Variants in NISCH observed in about 807,000 individuals in gnomAD.
NISCH encodes I-1 receptor candidate protein.
NISCH carries 55 observed loss-of-function variants against 138.4 expected under a neutral mutation model. The observed-to-expected ratio is 0.40, with a 90% confidence interval of 0.32 to 0.50. The LOEUF (loss-of-function observed/expected upper bound fraction) is 0.50, where lower values mean the gene tolerates loss of function less well. Ranked by LOEUF, NISCH falls within the 20% of genes least tolerant of loss-of-function variation. The pLI is 0.71. For synonymous variants in NISCH, 860 were observed against 861.5 expected, an observed-to-expected ratio of 1.00 and a Z score of 0.03; for missense variants, 1,643 against 2,005.5, an observed-to-expected ratio of 0.82 and a Z score of 3.45.
At chr3:52,463,230 GCTT>G (rs1450996225) in intron 3 of NISCH, among the ~76,000 whole-genome samples, 1 of 152,164 alleles carries the variant, frequency 6.6e-6, no homozygotes, top group Non-Finnish European at 1.5e-5. Context: ...TTTGTGACTG[GCTT>G]CTTTCATTTA....
intron 2 of NISCH, 68 bp from the exon 3 acceptor site, chr3:52,458,594 C>T: frequency 1.4e-6 from 2 of 1,409,988 alleles, no homozygotes; most frequent in Non-Finnish European, 1.9e-6. Flanking sequence ...CCTCAAGCTT[C>T]TTGCCTTGGT....
rs778590888 is a variant in NISCH, at chr3:52,474,290, TTTG to T, written c.765+479_765+481del. On this transcript the variant is annotated intron_variant, in intron 7 of 20. Transcript: ENST00000345716. ...CACCATGCCCCGCTAAGTTTTGTTT[TTTG>T]TTGTTGTTGTTGTTGTTTTTTGAGA... is the stretch of plus-strand genomic sequence containing the variant. Among the ~76,000 whole-genome samples, 18 of 151,844 alleles carry T rather than the reference TTTG, an allele frequency of 1.2e-4. No individual in the cohort carries two copies. In the East Asian group the frequency reaches 1.6e-3, roughly 13 times the overall value.
rs755584147 is a variant in NISCH at position 52,487,651 on chromosome 3, G to A, written c.2159G>A (p.Gly720Asp). 5 of 1,613,808 alleles carry A rather than the reference G, an allele frequency of 3.1e-6. No individual in the cohort carries two copies. The East Asian group carries it at 1.1e-4, about 36-fold the overall frequency. Residue 720 changes from glycine (G) to aspartate (D), a missense_variant, in exon 16 of 21, where the codon GGC becomes GAC. By Grantham distance (94) the Gly-to-Asp change is moderately conservative. Coordinates refer to ENST00000345716, the MANE Select transcript of NISCH (RefSeq NM_007184.4). This position sits in a 1 kb window ranked among gnomAD's most constrained non-coding sequence, Gnocchi z 9.1. ...VLWCFLIHVQ[G>D]SIRQFAACLV... ...TGGTGCTTCCTGATCCATGTGCAGG[G>A]CAGTATCCGCCAGTTCGCCGCCTGC...
At chr3:52,480,923 C>G in intron 13 of NISCH, 1 of 1,533,682 alleles carries the variant, frequency 6.5e-7, no homozygotes, top group South Asian at 1.2e-5. Flanking sequence ...ATGAGCGTGT[C>G]TGCTGGCCCG....
In NISCH at chr3:52,487,447, AC is replaced by A; in HGVS notation, c.1957del (p.Arg653AlafsTer63). On this transcript the variant is annotated frameshift_variant, in exon 16 of 21. Coordinates refer to ENST00000345716, the MANE Select transcript of NISCH (RefSeq NM_007184.4). LOFTEE classifies it high-confidence loss of function. The surrounding 1 kb of genome is among the most constrained non-coding windows in gnomAD (Gnocchi z 9.1). The stretch of plus-strand genomic sequence containing the variant: ...GAAGAAGAGGAGGACGTGGCTGAGA[AC>A]CGCTACTTTGAAATGGGGCCCCCAG... ...EEEEEEDVAE[N>X]RYFEMGPPDV... The A allele has an allele frequency of 6.2e-7, 1 of 1,607,000 alleles. No homozygotes were observed. Among genetic ancestry groups the A allele is most frequent in the Non-Finnish European group, 8.5e-7 (1 of 1,174,804 alleles).
In NISCH at chr3:52,490,733, C is replaced by A. The variant is rs548626626; in HGVS notation, c.3642C>A (p.Tyr1214Ter). 6.2e-7 allele frequency: 1 copy of A among 1,614,204 alleles called. No homozygotes were observed. Among genetic ancestry groups the A allele is most frequent in the Non-Finnish European group, 8.5e-7 (1 of 1,180,032 alleles). Residue 1214 changes from tyrosine (Y) to a stop codon, truncating the protein, a stop_gained, in exon 19 of 21, where the codon TAC becomes TAA. Coordinates refer to ENST00000345716, the MANE Select transcript of NISCH (RefSeq NM_007184.4). LOFTEE classifies it high-confidence loss of function. ...TCTGGCATCAGAAAAACACCGACTACAACAACAGCCCTTTCCACATCTCCC... is the reference window on the plus strand; with the variant it reads ...TCTGGCATCAGAAAAACACCGACTAAAACAACAGCCCTTTCCACATCTCCC... ...QDFWHQKNTD[Y>*]NNSPFHISQC... is the part of the protein sequence containing the mutation.
chr3:52,471,070 G>C (rs1289479008), intron 4 of NISCH, among the ~76,000 whole-genome samples, 163 bp downstream of exon 4: 1 of 152,150 alleles, frequency 6.6e-6, no homozygotes, highest in African/African-American at 2.4e-5. Flanking sequence ...TGAGTACCAT[G>C]TCAGGGGCTC....
chr3:52,462,486 C>T (rs1270963614), intron 3 of NISCH, among the ~76,000 whole-genome samples: 1 of 152,210 alleles, frequency 6.6e-6, no homozygotes, highest in Non-Finnish European at 1.5e-5. Context: ...AGCCTTTTCT[C>T]CAGGCTGGGA....
At chr3:52,485,746 G>A in intron 14 of NISCH, 32 bp from the exon 15 acceptor site, 3 of 1,563,532 alleles carry the variant, frequency 1.9e-6, no homozygotes, top group African/African-American at 2.7e-5. Context: ...GCTGCAGTAG[G>A]TGGGGACTGA....
intron 20 of NISCH, 38 bp downstream of exon 20, chr3:52,491,551 G>A (rs748793670): frequency 6.3e-7 from 1 of 1,581,978 alleles, no homozygotes. Context: ...CAGGCTGCCT[G>A]GACAGACGTC....
In NISCH at chr3:52,490,724, C is replaced by T. The variant is rs1707539404; in HGVS notation, c.3633C>T (p.Asn1211=). 3 of 1,614,176 alleles carry T rather than the reference C, an allele frequency of 1.9e-6. No homozygotes were observed. The highest frequency in any genetic ancestry group is 2.5e-6 in the Non-Finnish European group (3 of 1,180,028). ...EPLQDFWHQK[N]TDYNNSPFHI... Reference sequence around the variant, plus strand: ...ACACAGATTTCTGGCATCAGAAAAACACCGACTACAACAACAGCCCTTTCC... The same window carrying T: ...ACACAGATTTCTGGCATCAGAAAAATACCGACTACAACAACAGCCCTTTCC... The change falls in exon 19 of 21, where the codon AAC becomes AAT. Residue 1211 remains asparagine, a synonymous_variant. Transcript: ENST00000345716.
chr3:52,490,150 G>T lies in NISCH; in HGVS notation c.3532G>T (p.Ala1178Ser). The T allele has an allele frequency of 1.2e-6, 2 of 1,613,620 alleles. No individual in the cohort carries two copies. The highest frequency in any genetic ancestry group is 8.5e-7 in the Non-Finnish European group (1 of 1,180,018). ...CCAGACCCCAGGGCTGGAGGTGACT[G>T]CCTGCGTGCTGCTCTCCACCAAGGC... Reference protein sequence around the residue: ...FYQTPGLEVTACVLLSTKAVY... With the variant: ...FYQTPGLEVTSCVLLSTKAVY... The change falls in exon 18 of 21, where the codon GCC becomes TCC. Residue 1178 changes from alanine to serine, a missense_variant. Physicochemically the swap from Ala to Ser is moderately conservative, Grantham distance 99 (BLOSUM62 1). Coordinates refer to ENST00000345716, the MANE Select transcript of NISCH (RefSeq NM_007184.4).
At chr3:52,478,920 G>C (rs1707183056) in intron 11 of NISCH, among the ~76,000 whole-genome samples, 1 of 152,158 alleles carries the variant, frequency 6.6e-6, no homozygotes, top group African/African-American at 2.4e-5. Flanking sequence ...CCTGGTGTCT[G>C]CTGCCCCTCG....
chr3:52,491,750 C>T (rs1707570183), intron 20 of NISCH, 122 bp from the exon 21 acceptor site: 2 of 1,332,424 alleles, frequency 1.5e-6, no homozygotes, highest in African/African-American at 2.9e-5. Flanking sequence ...GGGCCCCACA[C>T]TTGGAGCATC....
chr3:52,485,827 G>A lies in NISCH; in HGVS notation c.1703G>A (p.Ser568Asn). The change falls in exon 15 of 21, where the codon AGC (serine) becomes AAC (asparagine). Residue 568 changes from serine to asparagine, a missense_variant and splice_region_variant. By Grantham distance (46) the Ser-to-Asn change is conservative. Coordinates refer to ENST00000345716, the MANE Select transcript of NISCH (RefSeq NM_007184.4). ...GTGCCAGGAGCTGTTGGTGGTGCAA[G>A]GTAAGGAAGAGGTTGGAAAGGGACC... ...RDVPGAVGGA[S>N]PEHAEPEVQV... The A allele has an allele frequency of 6.3e-7, 1 of 1,577,150 alleles. No individual in the cohort carries two copies. Among genetic ancestry groups the A allele is most frequent in the Non-Finnish European group, 8.6e-7 (1 of 1,159,936 alleles).
In NISCH at chr3:52,455,702, G is replaced by A; in HGVS notation, c.61G>A (p.Val21Ile). 7.3e-7 allele frequency: 1 copy of A among 1,365,338 alleles called. No individual in the cohort carries two copies. The highest frequency in any genetic ancestry group is 9.5e-7 in the Non-Finnish European group (1 of 1,048,550). The allele number at this position is 1,365,338 out of a possible 1,614,324, so 84.6% of individuals were successfully genotyped here. A position where few individuals can be genotyped will look rare whatever the true frequency, so the allele number is the denominator to read the frequency against. Residue 21 changes from valine (V) to isoleucine (I), a missense_variant, in exon 1 of 21, where the codon GTC becomes ATC. Coordinates refer to ENST00000345716, the MANE Select transcript of NISCH (RefSeq NM_007184.4). ...REAEPAKEAR[V>I]VGSELVDTYT... ...AGCCGAGCCGGCCAAGGAAGCGCGC[G>A]TCGTGGGCTCGGAGCTTGTGGACAC... is the stretch of plus-strand genomic sequence containing the variant.
chr3:52,484,462 T>TGGGGGGCCCCCCCCC, intron 13 of NISCH, 51 bp from the exon 14 acceptor site: 1 of 788,670 alleles, frequency 1.3e-6, no homozygotes, highest in Non-Finnish European at 1.8e-6. Flanking sequence ...ACAGCCGCTC[T>TGGGGGGCCCCCCCCC]CCCCGCCCCA....
chr3:52,490,757 C>G lies in NISCH; in HGVS notation c.3666C>G (p.Ser1222=). ...TDYNNSPFHI[S]QCFVLKLSDL... ...ACAACAACAGCCCTTTCCACATCTC[C>G]CAGTGCTTCGTGCTAAAGCTTAGTG... Residue 1222 remains serine (S), a synonymous_variant, in exon 19 of 21, where the codon TCC becomes TCG. Transcript: ENST00000345716. 1 of 1,614,224 alleles carries G rather than the reference C, an allele frequency of 6.2e-7. No individual in the cohort carries two copies. The highest frequency in any genetic ancestry group is 1.1e-5 in the South Asian group (1 of 91,092).
In NISCH at chr3:52,471,889, A is replaced by T. The variant is rs774460006; in HGVS notation, c.485A>T (p.Gln162Leu). The T allele has an allele frequency of 6.2e-7, 1 of 1,613,486 alleles. No homozygotes were observed. Among genetic ancestry groups the T allele is most frequent in the Admixed American group, 1.7e-5 (1 of 59,984 alleles). The change falls in exon 5 of 21, where the codon CAG becomes CTG. Residue 162 changes from glutamine (Q) to leucine (L), a missense_variant. Transcript: ENST00000345716. Reference sequence around the variant, plus strand: ...CTGTATGCCGTCACGGAGCAGCTGCAGCAGGGAAAGCCCACGTGCGCCAGT... The same window carrying T: ...CTGTATGCCGTCACGGAGCAGCTGCTGCAGGGAAAGCCCACGTGCGCCAGT... ...LQLYAVTEQL[Q>L]QGKPTCASGD... is the part of the protein sequence containing the mutation.
Sources: gnomAD v4.1 joint callset for allele counts (sites outside exome capture counted in the v4.1 genomes callset) on GRCh38, gnomAD v4.1.1 for gene constraint, Gnocchi (gnomAD v3.1) non-coding constraint, MANE v1.5 for transcripts, NCBI Gene and HGNC (gene_info 2026-07-23, HGNC 2026-07-21) for gene names.